Variants in FOXP2 observed in about 807,000 individuals in gnomAD.
FOXP2 encodes the protein forkhead box protein P2.
FOXP2 carries 12 observed loss-of-function variants against 115.8 expected under a neutral mutation model. That is an observed-to-expected ratio of 0.10 (90% CI 0.07 to 0.17). The LOEUF (loss-of-function observed/expected upper bound fraction) is 0.17, where lower values mean the gene tolerates loss of function less well. Ranked by LOEUF, FOXP2 falls within the 10% of genes least tolerant of loss-of-function variation. The probability of loss-of-function intolerance (pLI) is 1.00; values close to 1 mark genes in which losing one functional copy is unlikely to be tolerated. For missense variants in FOXP2, 629 were observed against 843.5 expected (o/e 0.75, Z 3.15); for synonymous variants, 328 against 297.7 (o/e 1.10, Z -1.05).
rs141852879 is a variant in FOXP2 at position 114,315,698 on chromosome 7, C to A, written c.-11+27589C>A. ...GTAATTATGTTCTGTGAAGTCACCA[C>A]AAACACTGAGTTAGTGAACACTGAA... On this transcript the variant is annotated intron_variant, in intron 2 of 17. Transcript: ENST00000634411. Among the ~76,000 whole-genome samples the A allele has an allele frequency of 5.3e-5, 8 of 152,126 alleles. No individual in the cohort carries two copies. In the South Asian group the frequency reaches 1.2e-3, roughly 24 times the overall value.
At chr7:114,459,574 G>A (rs1168099800) in intron 2 of FOXP2, among the ~76,000 whole-genome samples, 1 of 152,048 alleles carries the variant, frequency 6.6e-6, no homozygotes, top group African/African-American at 2.4e-5. Flanking sequence ...CAGTAGTTTT[G>A]TTGTTGTTGT....
At chr7:114,499,127 C>T in intron 2 of FOXP2, 1 of 528,820 alleles carries the variant, frequency 1.9e-6, no homozygotes, top group East Asian at 3.0e-5. Context: ...TTGAGAACCA[C>T]TGGCCTAGAA....
chr7:114,276,261 G>A (rs1796185146), intron 1 of FOXP2, among the ~76,000 whole-genome samples: 1 of 151,964 alleles, frequency 6.6e-6, no homozygotes, highest in Non-Finnish European at 1.5e-5. Flanking sequence ...TGGTTCAAGG[G>A]ATTCTACTGC....
At chr7:114,347,548 G>T (rs892166238) in intron 2 of FOXP2, among the ~76,000 whole-genome samples, 1 of 151,932 alleles carries the variant, frequency 6.6e-6, no homozygotes, top group Non-Finnish European at 1.5e-5. Context: ...ACATATATAA[G>T]ATTGTATAAA....
At chr7:114,663,595 A>C (rs1807003095) in intron 15 of FOXP2, 76 bp downstream of exon 15, 1 of 1,090,510 alleles carries the variant, frequency 9.2e-7, no homozygotes, top group Middle Eastern at 2.3e-4. Context: ...CTTTGTATTT[A>C]GGTGAGATTG....
chr7:114,693,221 C>G lies in FOXP2; in HGVS notation c.*3295C>G, dbSNP rs757107445. 2.4e-5 allele frequency: 11 copies of G among 450,838 alleles called. No individual in the cohort carries two copies. Among genetic ancestry groups the G allele is most frequent in the South Asian group, 1.7e-4 (11 of 64,144 alleles). The allele number at this position is 450,838 out of a possible 1,614,324, so 27.9% of individuals were successfully genotyped here. A position where few individuals can be genotyped will look rare whatever the true frequency, so the allele number is the denominator to read the frequency against. ...CACTAACTGGGTTTTCTTTAGATAACTCAGATATGGAGAAAATGTCATCAG... is the reference window on the plus strand; with the variant it reads ...CACTAACTGGGTTTTCTTTAGATAAGTCAGATATGGAGAAAATGTCATCAG... On this transcript the variant is annotated 3_prime_UTR_variant, in exon 17 of 17. Coordinates refer to ENST00000350908, the MANE Select transcript of FOXP2 (RefSeq NM_014491.4).
At chr7:114,138,624 C>T (rs538349851) in intron 1 of FOXP2, among the ~76,000 whole-genome samples, 12 of 152,196 alleles carry the variant, frequency 7.9e-5, no homozygotes, top group African/African-American at 2.9e-4. Flanking sequence ...AACTCCTGAC[C>T]TCATGATCCA....
intron 3 of FOXP2, among the ~76,000 whole-genome samples, chr7:114,547,468 A>G (rs928318431): frequency 6.6e-6 from 1 of 152,182 alleles, no homozygotes; most frequent in African/African-American, 2.4e-5. Flanking sequence ...TTAGAAATAT[A>G]TGTGATTGGC....
chr7:114,651,175 T>C (rs1254755280), intron 8 of FOXP2, among the ~76,000 whole-genome samples: 1 of 152,086 alleles, frequency 6.6e-6, no homozygotes, highest in Non-Finnish European at 1.5e-5. Context: ...TTCTAAATGA[T>C]ACTTGAGCCC....
At chr7:114,528,103 A>G (rs1343784221) in intron 2 of FOXP2, among the ~76,000 whole-genome samples, 1 of 152,074 alleles carries the variant, frequency 6.6e-6, no homozygotes, top group Non-Finnish European at 1.5e-5. Context: ...TTATCCAATA[A>G]TTAGCCCCAA....
chr7:114,607,946 G>A (rs576695843), intron 3 of FOXP2, among the ~76,000 whole-genome samples: 7 of 152,314 alleles, frequency 4.6e-5, no homozygotes, highest in Admixed American at 1.3e-4. Context: ...GGTGGGGGAA[G>A]GAGGTTTCCT....
chr7:114,331,285 A>T (rs1204103496), intron 2 of FOXP2, among the ~76,000 whole-genome samples: 19 of 152,242 alleles, frequency 1.2e-4, no homozygotes, highest in African/African-American at 4.6e-4. Flanking sequence ...CCTGTTATAA[A>T]GAATTTTAAA....
intron 1 of FOXP2, among the ~76,000 whole-genome samples, chr7:114,147,806 C>T (rs758022201): frequency 6.6e-6 from 1 of 152,098 alleles, no homozygotes; most frequent in Non-Finnish European, 1.5e-5. Flanking sequence ...ATGGGAATAA[C>T]TCCCACCTTG....
intron 2 of FOXP2, among the ~76,000 whole-genome samples, chr7:114,524,732 C>T (rs975601600): frequency 1.6e-4 from 25 of 152,032 alleles, no homozygotes; most frequent in Non-Finnish European, 2.9e-5. Flanking sequence ...CCCTTATAGT[C>T]ACTTTTTGTA....
intron 6 of FOXP2, among the ~76,000 whole-genome samples, chr7:114,637,648 T>A (rs780225565): frequency 1.3e-5 from 2 of 152,116 alleles, no homozygotes; most frequent in Admixed American, 6.6e-5. Flanking sequence ...TACATTTTAG[T>A]GTAGAAGGCA....
At chr7:114,391,051 G>C (rs1328511296) in intron 2 of FOXP2, among the ~76,000 whole-genome samples, 1 of 152,124 alleles carries the variant, frequency 6.6e-6, no homozygotes, top group Non-Finnish European at 1.5e-5. Flanking sequence ...GCTGGGCGTG[G>C]TGGCAGGTGC....
intron 1 of FOXP2, among the ~76,000 whole-genome samples, chr7:114,194,049 A>G (rs1303776123): frequency 6.6e-6 from 1 of 151,966 alleles, no homozygotes; most frequent in Non-Finnish European, 1.5e-5. Context: ...AATTTGTTCT[A>G]AATCTCCTGT....
chr7:114,328,929 G>C (rs973124867), intron 2 of FOXP2, among the ~76,000 whole-genome samples: 1 of 152,114 alleles, frequency 6.6e-6, no homozygotes, highest in Non-Finnish European at 1.5e-5. Flanking sequence ...ATCACTCTTA[G>C]TACATTATGC....
intron 1 of FOXP2, among the ~76,000 whole-genome samples, chr7:114,092,465 T>A (rs1315293963): frequency 1.3e-5 from 2 of 152,072 alleles, no homozygotes; most frequent in Admixed American, 6.5e-5. Context: ...TATTTTAGCT[T>A]TGTATCATTT....
Sources: gnomAD v4.1 joint callset for allele counts (sites outside exome capture counted in the v4.1 genomes callset) on GRCh38, gnomAD v4.1.1 for gene constraint, MANE v1.5 for transcripts, NCBI Gene and HGNC (gene_info 2026-07-23, HGNC 2026-07-21) for gene names.